The following MINDY3 variants were observed in gnomAD, a reference collection of about 807,000 sequenced individuals.
MINDY3 encodes the protein MINDY lysine 48 deubiquitinase 3.
MINDY3 carries 38 observed loss-of-function variants against 69.2 expected under a neutral mutation model. The ratio of observed to expected loss-of-function variants is 0.55; its 90% confidence interval spans 0.42 to 0.72. The LOEUF (loss-of-function observed/expected upper bound fraction) is 0.72. Ranked by LOEUF, MINDY3 falls within the 30% of genes least tolerant of loss-of-function variation. The probability of loss-of-function intolerance (pLI) is 0.00; values close to 1 mark genes in which losing one functional copy is unlikely to be tolerated. For missense variants in MINDY3, 522 were observed against 519.0 expected (o/e 1.01, Z -0.06); for synonymous variants, 192 against 180.1 (o/e 1.07, Z -0.53).
intron 8 of MINDY3, among the ~76,000 whole-genome samples, chr10:15,824,047 T>C (rs1839936380): frequency 6.6e-6 from 1 of 152,214 alleles, no homozygotes; most frequent in Non-Finnish European, 1.5e-5. Context: ...GACACTTAGG[T>C]TGATTCCCTA....
At chr10:15,784,126 T>C (rs935398505) in intron 13 of MINDY3, among the ~76,000 whole-genome samples, 8 of 152,128 alleles carry the variant, frequency 5.3e-5, no homozygotes, top group African/African-American at 1.9e-4. Context: ...TCAACAATCG[T>C]CTTAAGTTCT....
At chr10:15,821,150 G>C (rs997699925) in intron 9 of MINDY3, among the ~76,000 whole-genome samples, 1 of 152,116 alleles carries the variant, frequency 6.6e-6, no homozygotes, top group South Asian at 2.1e-4. Context: ...CCTAACCCTA[G>C]TGCATGTGTC....
chr10:15,791,082 T>G (rs1485690851), intron 11 of MINDY3, among the ~76,000 whole-genome samples: 37 of 152,310 alleles, frequency 2.4e-4, no homozygotes, highest in Admixed American at 2.3e-3. Context: ...ACAGATATTC[T>G]GAAGTGTAAC....
chr10:15,821,703 C>T lies in MINDY3; in HGVS notation c.754G>A (p.Ala252Thr). The T allele has an allele frequency of 6.2e-7, 1 of 1,612,196 alleles. No individual in the cohort carries two copies. ...GMKLLGIHEQ[A>T]AVGFLTLMEA... ...ATTAGTGTTAAAAATCCTACTGCTG[C>T]TTGTTCATGTATACCAAGAAGTTCT... is the stretch of plus-strand genomic sequence containing the variant. The change falls in exon 9 of 15, where the codon GCA becomes ACA. Residue 252 changes from alanine (A) to threonine (T), a missense_variant. Physicochemically the swap from Ala to Thr is moderately conservative, Grantham distance 58 (BLOSUM62 0). Coordinates refer to ENST00000277632, the MANE Select transcript of MINDY3 (RefSeq NM_024948.4).
intron 8 of MINDY3, among the ~76,000 whole-genome samples, chr10:15,826,416 T>A (rs1035237024): frequency 5.3e-5 from 8 of 152,196 alleles, no homozygotes; most frequent in Non-Finnish European, 1.0e-4. Flanking sequence ...CAGGACCATA[T>A]AATCTATATA....
intron 6 of MINDY3, 71 bp downstream of exon 6, chr10:15,837,133 C>A: frequency 1.3e-6 from 1 of 755,660 alleles, no homozygotes; most frequent in Non-Finnish European, 2.2e-6. Flanking sequence ...AATAAAATTA[C>A]TCATCACTGC....
At chr10:15,833,384 G>A (rs1033449496) in intron 8 of MINDY3, among the ~76,000 whole-genome samples, 3 of 152,132 alleles carry the variant, frequency 2.0e-5, no homozygotes, top group Non-Finnish European at 4.4e-5. Flanking sequence ...TTATACCACA[G>A]AAAATGAAAG....
chr10:15,796,906 T>C (rs192933952), intron 10 of MINDY3, among the ~76,000 whole-genome samples: 23 of 152,208 alleles, frequency 1.5e-4, no homozygotes, highest in Non-Finnish European at 1.3e-4. Flanking sequence ...CACATGAATC[T>C]AAAATGTAGG....
intron 10 of MINDY3, among the ~76,000 whole-genome samples, chr10:15,803,666 TG>T (rs1838419728): frequency 6.6e-6 from 1 of 152,098 alleles, no homozygotes; most frequent in South Asian, 2.1e-4. Flanking sequence ...GCTTAATAGA[TG>T]GTAGAGAAAA....
chr10:15,782,594 T>C (rs931880608), intron 13 of MINDY3, among the ~76,000 whole-genome samples: 2 of 152,206 alleles, frequency 1.3e-5, no homozygotes, highest in East Asian at 1.9e-4. Context: ...TCTCAATGAA[T>C]TGAGAAAAGC....
intron 11 of MINDY3, among the ~76,000 whole-genome samples, chr10:15,793,825 G>A (rs547502015): frequency 3.9e-5 from 6 of 152,148 alleles, no homozygotes; most frequent in African/African-American, 9.6e-5. Context: ...TTCAGAAATC[G>A]TAACATTCCA....
At chr10:15,798,569 A>G (rs937996270) in intron 10 of MINDY3, among the ~76,000 whole-genome samples, 2 of 151,586 alleles carry the variant, frequency 1.3e-5, no homozygotes, top group Non-Finnish European at 2.9e-5. Context: ...CGAGGTCAGG[A>G]CTTAGTTAGA....
In MINDY3 at chr10:15,778,904, G is replaced by C; in HGVS notation, c.*88C>G. ...TATTTACAGTTAATCAGTGATACCAGTGTTTAGCTTAATCCAGCCAATTGC... is the reference window on the plus strand; with the variant it reads ...TATTTACAGTTAATCAGTGATACCACTGTTTAGCTTAATCCAGCCAATTGC... On this transcript the variant is annotated 3_prime_UTR_variant, in exon 15 of 15. Transcript: ENST00000277632. The C allele has an allele frequency of 9.2e-7, 1 of 1,083,340 alleles. No individual in the cohort carries two copies. Among genetic ancestry groups the C allele is most frequent in the South Asian group, 1.6e-5 (1 of 63,190 alleles). 67.1% of individuals were successfully genotyped at this position (1,083,340 alleles called of 1,614,324 possible). A position where few individuals can be genotyped will look rare whatever the true frequency, so the allele number is the denominator to read the frequency against.
chr10:15,847,595 T>C (rs1454500032), intron 2 of MINDY3, among the ~76,000 whole-genome samples: 2 of 152,168 alleles, frequency 1.3e-5, no homozygotes, highest in Admixed American at 6.5e-5. Context: ...GTTAAAGAAG[T>C]CAAGAAACTT....
At chr10:15,829,146 C>T (rs973638400) in intron 8 of MINDY3, among the ~76,000 whole-genome samples, 38 of 152,194 alleles carry the variant, frequency 2.5e-4, no homozygotes, top group African/African-American at 9.2e-4. Context: ...TGAGGTAAAG[C>T]ACCATAGATG....
intron 2 of MINDY3, among the ~76,000 whole-genome samples, chr10:15,847,027 T>G (rs1342859184): frequency 6.6e-6 from 1 of 152,106 alleles, no homozygotes; most frequent in South Asian, 2.1e-4. Context: ...CTGGCCAGAA[T>G]GCATTCTTAA....
intron 10 of MINDY3, among the ~76,000 whole-genome samples, chr10:15,807,498 G>A (rs1838718854): frequency 6.6e-6 from 1 of 152,130 alleles, no homozygotes; most frequent in Non-Finnish European, 1.5e-5. Flanking sequence ...AGACTTAGTG[G>A]CGGTCATCTA....
chr10:15,860,201 G>A lies in MINDY3; in HGVS notation c.94+5C>T, dbSNP rs375556134. ...GCTGCAAGTGTGAGAGCCCCGCCAG[G>A]GTACCTTGCGTCCAGCGGCAGAAAA... On this transcript the variant is annotated splice_donor_5th_base_variant and intron_variant, in intron 1 of 14. Transcript: ENST00000277632. 4 of 1,601,296 alleles carry A rather than the reference G, an allele frequency of 2.5e-6. No homozygotes were observed. Among genetic ancestry groups the A allele is most frequent in the Admixed American group, 1.7e-5 (1 of 58,328 alleles).
intron 8 of MINDY3, among the ~76,000 whole-genome samples, chr10:15,824,780 TATC>T (rs1416732930): frequency 2.6e-5 from 4 of 152,222 alleles, no homozygotes; most frequent in African/African-American, 9.6e-5. Context: ...CTAATAATAA[TATC>T]ATGTTACTAA....
Sources: gnomAD v4.1 joint callset for allele counts (sites outside exome capture counted in the v4.1 genomes callset) on GRCh38, gnomAD v4.1.1 for gene constraint, MANE v1.5 for transcripts, NCBI Gene and HGNC (gene_info 2026-07-23, HGNC 2026-07-21) for gene names.